CDH13: variants seen among roughly 807,000 people sequenced by gnomAD.
The protein encoded by CDH13 is cadherin 13, also known as cadherin-13.
CDH13 carries 24 observed loss-of-function variants against 63.8 expected under a neutral mutation model. The ratio of observed to expected loss-of-function variants is 0.38; its 90% CI spans 0.27 to 0.53. The LOEUF (loss-of-function observed/expected upper bound fraction) is 0.53. Ranked by LOEUF, CDH13 falls within the 20% of genes least tolerant of loss-of-function variation. The pLI is 0.85. For missense variants in CDH13, 1,049 were observed against 903.1 expected, an observed-to-expected ratio of 1.16 and a Z score of -2.07; for synonymous variants, 503 against 355.3, an observed-to-expected ratio of 1.42 and a Z score of -4.67.
At chr16:83,238,172 A>C (rs1405087516) in intron 5 of CDH13, among the ~76,000 whole-genome samples, 1 of 152,062 alleles carries the variant, frequency 6.6e-6, no homozygotes, top group Non-Finnish European at 1.5e-5. Flanking sequence ...ATGGTGTATT[A>C]GTCCATTTTC....
chr16:83,634,468 T>C (rs1025645976), intron 8 of CDH13, among the ~76,000 whole-genome samples: 5 of 151,308 alleles, frequency 3.3e-5, no homozygotes, highest in African/African-American at 7.3e-5. Context: ...TGGCACAATC[T>C]CGGCTCATTG....
At chr16:83,166,851 G>A (rs74031434) in intron 4 of CDH13, among the ~76,000 whole-genome samples, 2,466 of 152,226 alleles carry the variant, frequency 0.016, 81 homozygotes, top group African/African-American at 0.056. Flanking sequence ...GTGTATTACC[G>A]CCATTCACGG....
intron 1 of CDH13, among the ~76,000 whole-genome samples, chr16:82,742,050 T>G (rs1282436566): frequency 6.6e-6 from 1 of 152,166 alleles, no homozygotes; most frequent in Non-Finnish European, 1.5e-5. Flanking sequence ...ATCAGCCCGG[T>G]TATATAAAAT....
chr16:82,848,812 C>T (rs35862345), intron 1 of CDH13, among the ~76,000 whole-genome samples: 2 of 152,074 alleles, frequency 1.3e-5, no homozygotes, highest in African/African-American at 4.8e-5. Context: ...TTGCATGTCT[C>T]TCTCTTTAAA....
At chr16:82,779,792 G>C (rs1880442959) in intron 1 of CDH13, among the ~76,000 whole-genome samples, 1 of 152,170 alleles carries the variant, frequency 6.6e-6, no homozygotes, top group Non-Finnish European at 1.5e-5. Flanking sequence ...GGTAGTGGTA[G>C]AAAGATTTTG....
chr16:83,304,950 A>G (rs1323114872), intron 5 of CDH13, among the ~76,000 whole-genome samples: 1 of 152,148 alleles, frequency 6.6e-6, no homozygotes, highest in Non-Finnish European at 1.5e-5. Flanking sequence ...CCCACTTTTC[A>G]TATTTTACAA....
At chr16:83,684,139 G>A (rs1324785581) in intron 10 of CDH13, among the ~76,000 whole-genome samples, 1 of 152,178 alleles carries the variant, frequency 6.6e-6, no homozygotes, top group East Asian at 1.9e-4. Flanking sequence ...TGCTGAGGCA[G>A]GTGGATCACT....
At chr16:83,694,366 A>C (rs1460713471) in intron 10 of CDH13, among the ~76,000 whole-genome samples, 1 of 152,166 alleles carries the variant, frequency 6.6e-6, no homozygotes, top group African/African-American at 2.4e-5. Flanking sequence ...ACTACCTCCC[A>C]CCAACACTGC....
At chr16:82,875,638 G>C (rs2040479272) in intron 2 of CDH13, among the ~76,000 whole-genome samples, 1 of 152,136 alleles carries the variant, frequency 6.6e-6, no homozygotes, top group Non-Finnish European at 1.5e-5. Flanking sequence ...TTTTCAAAAA[G>C]TTTAAAACAT....
At chr16:83,271,789 T>C (rs1249968156) in intron 5 of CDH13, among the ~76,000 whole-genome samples, 3 of 152,208 alleles carry the variant, frequency 2.0e-5, no homozygotes, top group Non-Finnish European at 4.4e-5. Flanking sequence ...TTCAAGTAAA[T>C]ATTAACTACA....
chr16:83,783,811 C>A (rs963772856), intron 13 of CDH13, among the ~76,000 whole-genome samples: 1 of 152,156 alleles, frequency 6.6e-6, no homozygotes, highest in Non-Finnish European at 1.5e-5. Flanking sequence ...TATCAGAGGC[C>A]TGTTTCTCTC....
At chr16:82,870,198 C>G (rs2040295098) in intron 2 of CDH13, among the ~76,000 whole-genome samples, 1 of 151,992 alleles carries the variant, frequency 6.6e-6, no homozygotes, top group Non-Finnish European at 1.5e-5. Flanking sequence ...AAATGGGTAA[C>G]AGGTATATGA....
In CDH13 at chr16:83,142,931, C is replaced by T. The variant is rs1157562092; in HGVS notation, c.483+17430C>T. On this transcript the variant is annotated intron_variant, in intron 4 of 13. Transcript: ENST00000567109. ...CCAGCCTGACCCACATGAAGAAACCCCGTATGTACTGAAAATACAAAATTA... is the reference window on the plus strand; with the variant it reads ...CCAGCCTGACCCACATGAAGAAACCTCGTATGTACTGAAAATACAAAATTA... Among the ~76,000 whole-genome samples the T allele has an allele frequency of 2.0e-5, 3 of 152,246 alleles. No homozygotes were observed. In the East Asian group the frequency reaches 5.8e-4, roughly 29 times the overall value.
intron 3 of CDH13, among the ~76,000 whole-genome samples, chr16:83,079,964 C>T (rs1395432243): frequency 6.6e-6 from 1 of 152,186 alleles, no homozygotes; most frequent in Non-Finnish European, 1.5e-5. Flanking sequence ...ATTTCAGTAG[C>T]TAGAATGCTT....
chr16:83,407,122 C>G (rs1006749099), intron 6 of CDH13, among the ~76,000 whole-genome samples: 6 of 152,192 alleles, frequency 3.9e-5, no homozygotes, highest in Admixed American at 3.9e-4. Context: ...TGCCAGGCAG[C>G]CCTCTGGGAG....
chr16:83,360,429 A>G (rs2091139947), intron 6 of CDH13, among the ~76,000 whole-genome samples: 1 of 151,992 alleles, frequency 6.6e-6, no homozygotes, highest in African/African-American at 2.4e-5. Flanking sequence ...TGATTGTTTC[A>G]TGGTAGATCT....
At chr16:83,733,781 C>A (rs1233286179) in intron 10 of CDH13, among the ~76,000 whole-genome samples, 1 of 152,174 alleles carries the variant, frequency 6.6e-6, no homozygotes, top group Non-Finnish European at 1.5e-5. Context: ...TTTGCTCTCC[C>A]AGTGAGCGTG....
intron 2 of CDH13, among the ~76,000 whole-genome samples, chr16:82,866,049 C>T (rs1211923551): frequency 6.6e-6 from 1 of 152,198 alleles, no homozygotes; most frequent in East Asian, 1.9e-4. Context: ...GGGCAAAATG[C>T]CGCCAGTCTC....
At chr16:83,108,205 A>T (rs1453322793) in intron 3 of CDH13, among the ~76,000 whole-genome samples, 1 of 152,136 alleles carries the variant, frequency 6.6e-6, no homozygotes, top group African/African-American at 2.4e-5. Context: ...CGCATGATGC[A>T]TCTCCACTAT....
Sources: gnomAD v4.1 joint callset for allele counts (sites outside exome capture counted in the v4.1 genomes callset) on GRCh38, gnomAD v4.1.1 for gene constraint, MANE v1.5 for transcripts, NCBI Gene and HGNC (gene_info 2026-07-23, HGNC 2026-07-21) for gene names.